Variants in GBF1 observed in about 807,000 individuals in gnomAD.
The protein encoded by GBF1 is Golgi-specific brefeldin A-resistance guanine nucleotide exchange factor 1.
A neutral mutation model predicts 210.5 loss-of-function variants in GBF1; 114 were observed. The observed-to-expected ratio is 0.54, with a 90% CI of 0.47 to 0.63. The LOEUF is 0.63. GBF1 is among the 30% of genes least tolerant of loss of function. GBF1 has a pLI of 0.00. For missense variants in GBF1, 1,851 were observed against 2,357.7 expected, an observed-to-expected ratio of 0.79 and a Z score of 4.45; for synonymous variants, 850 against 889.2, an observed-to-expected ratio of 0.96 and a Z score of 0.78.
intron 23 of GBF1, among the ~76,000 whole-genome samples, 169 bp from the exon 24 acceptor site, chr10:102,369,042 C>G (rs948886992): frequency 6.6e-6 from 1 of 152,110 alleles, no homozygotes; most frequent in African/African-American, 2.4e-5. Context: ...AAAGGAGATA[C>G]AGGAGTGGGG....
rs368428561 is a variant in GBF1 at position 102,278,922 on chromosome 10, T to C, written c.163+18806T>C. Among the ~76,000 whole-genome samples the C allele has an allele frequency of 3.3e-5, 5 of 152,152 alleles. No individual in the cohort carries two copies. The East Asian group carries it at 5.8e-4, about 18-fold the overall frequency. On this transcript the variant is annotated intron_variant, in intron 3 of 39. Transcript: ENST00000369983. ...TGATTTATTTACTGTGTAGATGTTA[T>C]TTCCCCTTGCAACTAATAAGCAATC...
At chr10:102,382,000 G>A in intron 39 of GBF1, 56 bp from the exon 40 acceptor site, 2 of 1,425,476 alleles carry the variant, frequency 1.4e-6, no homozygotes, top group South Asian at 2.8e-5. Context: ...GGCAATGTGA[G>A]AGTTGTCTTG....
chr10:102,240,995 C>T (rs572593734), upstream of GBF1, among the ~76,000 whole-genome samples: 1 of 152,132 alleles, frequency 6.6e-6, no homozygotes, highest in Non-Finnish European at 1.5e-5. Flanking sequence ...CCCTTTCGCT[C>T]CCTGGCCGCC....
intron 3 of GBF1, among the ~76,000 whole-genome samples, chr10:102,297,817 G>A (rs1305322150): frequency 2.0e-5 from 3 of 152,142 alleles, no homozygotes; most frequent in Admixed American, 2.0e-4. Context: ...TAAAACTCAG[G>A]CCTTTTATAG....
intron 1 of GBF1, among the ~76,000 whole-genome samples, chr10:102,256,641 A>G (rs1243709449): frequency 6.7e-6 from 1 of 149,860 alleles, no homozygotes. Context: ...TGCCTCAGCC[A>G]CTCGAGTAGC....
chr10:102,255,600 T>G (rs562824918), intron 1 of GBF1, among the ~76,000 whole-genome samples: 12 of 152,352 alleles, frequency 7.9e-5, no homozygotes, highest in Admixed American at 2.0e-4. Context: ...CCGTAACCTC[T>G]TAGCATTTTC....
chr10:102,369,845 T>C lies in GBF1; in HGVS notation c.3216-16T>C, dbSNP rs747714120. 6.2e-7 allele frequency: 1 copy of C among 1,614,130 alleles called. No individual in the cohort carries two copies. Among genetic ancestry groups the C allele is most frequent in the Admixed American group, 1.7e-5 (1 of 60,016 alleles). The stretch of plus-strand genomic sequence containing the variant: ...GAACTTTGGGGCTCACCAGGCCATG[T>C]GCCCTTTTTCTACAGAGGAGAGTCA... On this transcript the variant is annotated splice_polypyrimidine_tract_variant and intron_variant, in intron 25 of 39. Coordinates refer to ENST00000369983, the MANE Select transcript of GBF1 (RefSeq NM_001377137.1).
chr10:102,359,169 CA>C, intron 10 of GBF1, 97 bp from the exon 11 acceptor site: 1 of 830,876 alleles, frequency 1.2e-6, no homozygotes, highest in African/African-American at 1.7e-5. Flanking sequence ...ATCTGTAGCC[CA>C]TTAGAGACAG....
intron 3 of GBF1, among the ~76,000 whole-genome samples, chr10:102,319,197 G>C (rs1393649672): frequency 2.6e-5 from 4 of 152,178 alleles, no homozygotes; most frequent in Non-Finnish European, 5.9e-5. Context: ...GCAGGTGCCT[G>C]TAGTCCCAGC....
chr10:102,234,759 GGA>G, the GBF1 span, among the ~76,000 whole-genome samples: 1 of 152,130 alleles, frequency 6.6e-6, no homozygotes, highest in Non-Finnish European at 1.5e-5. Context: ...TTTACCTGTG[GGA>G]AAAGCAGTCC....
chr10:102,338,602 A>G (rs541031081), intron 3 of GBF1, among the ~76,000 whole-genome samples: 3 of 151,792 alleles, frequency 2.0e-5, no homozygotes, highest in Non-Finnish European at 2.9e-5. Flanking sequence ...CTGGCTATTG[A>G]TAGGAGTGAG....
chr10:102,233,457 CCA>C, the GBF1 span, among the ~76,000 whole-genome samples: 1 of 151,846 alleles, frequency 6.6e-6, no homozygotes, highest in Non-Finnish European at 1.5e-5. Flanking sequence ...GCACGTGCCC[CCA>C]CGCCTGGCTA....
intron 3 of GBF1, among the ~76,000 whole-genome samples, chr10:102,331,980 C>A (rs781681864): frequency 4.0e-5 from 6 of 151,134 alleles, no homozygotes; most frequent in South Asian, 2.1e-4. Context: ...CTGCCTCAGC[C>A]TCCTGAATAG....
chr10:102,330,022 C>T (rs1384175483), intron 3 of GBF1, among the ~76,000 whole-genome samples: 1 of 152,064 alleles, frequency 6.6e-6, no homozygotes, highest in Non-Finnish European at 1.5e-5. Flanking sequence ...TAGTCTTAGC[C>T]ACTCAGGAGT....
In GBF1 at chr10:102,248,507, G is replaced by T. The variant is rs150409733; in HGVS notation, c.-11+2726G>T. On this transcript the variant is annotated intron_variant, in intron 1 of 39. Coordinates refer to ENST00000369983, the MANE Select transcript of GBF1 (RefSeq NM_001377137.1). ...GCCAATCATATAAACCAGGGGTTAC[G>T]AGCTCATGTGCCTAAATGCCAGGCA... is the stretch of plus-strand genomic sequence containing the variant. Among the ~76,000 whole-genome samples the T allele has an allele frequency of 7.2e-5, 11 of 152,206 alleles. No individual in the cohort carries two copies. In the East Asian group the frequency reaches 2.1e-3, roughly 29 times the overall value.
At chr10:102,303,425 A>G (rs1274040513) in intron 3 of GBF1, among the ~76,000 whole-genome samples, 2 of 152,238 alleles carry the variant, frequency 1.3e-5, no homozygotes, top group African/African-American at 2.4e-5. Flanking sequence ...TCAATTGACC[A>G]TAAATGGCCC....
At chr10:102,321,042 C>T (rs1223781952) in intron 3 of GBF1, among the ~76,000 whole-genome samples, 1 of 152,098 alleles carries the variant, frequency 6.6e-6, no homozygotes, top group Non-Finnish European at 1.5e-5. Flanking sequence ...GTGATCCACC[C>T]ACCTTGGCCT....
At position 102,260,105 on chromosome 10, in the gene GBF1, A is replaced by G; in HGVS notation, c.152A>G (p.Asn51Ser). ...HSFGHLKEVL[N>S]SITELSEIEP... is the part of the protein sequence containing the mutation. ...TTCGGTCATCTAAAGGAGGTTTTAA[A>G]CAGTATAACAGGTAAGTCTCCATAT... Residue 51 changes from asparagine (N) to serine (S), a missense_variant, in exon 3 of 40, where the codon AAC becomes AGC. Transcript: ENST00000369983. 1 of 1,525,886 alleles carries G rather than the reference A, an allele frequency of 6.6e-7. No individual in the cohort carries two copies. Among genetic ancestry groups the G allele is most frequent in the Non-Finnish European group, 9.1e-7 (1 of 1,100,208 alleles). 94.5% of individuals were successfully genotyped at this position (1,525,886 alleles called of 1,614,324 possible).
intron 1 of GBF1, among the ~76,000 whole-genome samples, chr10:102,258,724 G>A (rs1180274253): frequency 6.7e-6 from 1 of 148,824 alleles, no homozygotes; most frequent in Non-Finnish European, 1.5e-5. Context: ...TGGTGAGCCA[G>A]GATCACGCCA....
Sources: allele counts gnomAD v4.1 joint callset (sites outside exome capture counted in the v4.1 genomes callset), GRCh38; gene constraint gnomAD v4.1.1; transcripts MANE v1.5; gene names NCBI Gene and HGNC (gene_info 2026-07-23, HGNC 2026-07-21).